The following CNIH3 variants were observed in gnomAD, a reference collection of about 807,000 sequenced individuals.
The protein encoded by CNIH3 is protein cornichon homolog 3.
A neutral mutation model predicts 24.1 loss-of-function variants in CNIH3; 14 were observed. That is an observed-to-expected ratio of 0.58 (90% CI 0.38 to 0.91). The LOEUF is 0.91. CNIH3 is among the 40% of genes least tolerant of loss of function. CNIH3 has a pLI of 0.00. For synonymous variants in CNIH3, 68 were observed against 73.8 expected (o/e 0.92, Z 0.40); for missense variants, 178 against 196.8 (o/e 0.90, Z 0.57).
chr1:224,479,051 G>C (rs1031926122), intron 1 of CNIH3, among the ~76,000 whole-genome samples: 1 of 151,128 alleles, frequency 6.6e-6, no homozygotes, highest in Admixed American at 6.6e-5. Flanking sequence ...TGGGGACACA[G>C]CCAAACTGTT....
chr1:224,681,177 C>G (rs1001828980), intron 2 of CNIH3, 151 bp downstream of exon 2: 17 of 683,904 alleles, frequency 2.5e-5, no homozygotes, highest in Non-Finnish European at 3.9e-5. Flanking sequence ...TGTGGAGGAG[C>G]CTTCTCATTC....
intron 2 of CNIH3, among the ~76,000 whole-genome samples, chr1:224,521,936 G>A (rs1158939813): frequency 6.6e-6 from 1 of 152,178 alleles, no homozygotes; most frequent in Non-Finnish European, 1.5e-5. Context: ...ACAAGTAATA[G>A]ACCCTAAAAT....
chr1:224,633,161 T>G (rs1434760520), intron 1 of CNIH3, among the ~76,000 whole-genome samples: 1 of 152,126 alleles, frequency 6.6e-6, no homozygotes, highest in Admixed American at 6.6e-5. Context: ...AGTTAAGATT[T>G]TTTTTTCTTT....
intron 3 of CNIH3, among the ~76,000 whole-genome samples, chr1:224,563,834 C>T (rs1680473696): frequency 6.6e-6 from 1 of 152,176 alleles, no homozygotes; most frequent in African/African-American, 2.4e-5. Context: ...TAAATTTGGG[C>T]TCTGTCTTCC....
intron 5 of CNIH3, among the ~76,000 whole-genome samples, chr1:224,586,077 G>C (rs1186247608): frequency 6.6e-6 from 1 of 152,186 alleles, no homozygotes; most frequent in Non-Finnish European, 1.5e-5. Flanking sequence ...CTGCAGAAAT[G>C]AATGGGACTG....
chr1:224,561,645 C>G (rs957875078), intron 3 of CNIH3, among the ~76,000 whole-genome samples: 6 of 152,186 alleles, frequency 3.9e-5, no homozygotes, highest in African/African-American at 1.4e-4. Context: ...GCAGTGTGGT[C>G]TGAGGATCTT....
intron 1 of CNIH3, among the ~76,000 whole-genome samples, chr1:224,451,678 G>T (rs1381691435): frequency 5.3e-5 from 8 of 152,132 alleles, no homozygotes; most frequent in Admixed American, 5.2e-4. Flanking sequence ...GGCAACTGAG[G>T]CCCAGAATGA....
At chr1:224,639,820 A>C (rs2125090170) in intron 1 of CNIH3, among the ~76,000 whole-genome samples, 1 of 152,284 alleles carries the variant, frequency 6.6e-6, no homozygotes. Flanking sequence ...GCTGACCCCA[A>C]GATTATAGAG....
chr1:224,595,498 T>C (rs1325162765), intron 3 of CNIH3, among the ~76,000 whole-genome samples: 1 of 152,244 alleles, frequency 6.6e-6, no homozygotes, highest in Non-Finnish European at 1.5e-5. Context: ...CCTTGGACCT[T>C]TCTTTTCCTT....
At chr1:224,688,917 A>G (rs1686795217) in intron 3 of CNIH3, among the ~76,000 whole-genome samples, 2 of 147,150 alleles carry the variant, frequency 1.4e-5, no homozygotes, top group South Asian at 2.2e-4. Context: ...AACAGCAAAG[A>G]TCTGTCTCAA....
At chr1:224,624,785 G>A (rs1402392171) in intron 1 of CNIH3, among the ~76,000 whole-genome samples, 1 of 152,220 alleles carries the variant, frequency 6.6e-6, no homozygotes, top group Non-Finnish European at 1.5e-5. Flanking sequence ...AAAGTTTAGA[G>A]GGCTGGGAGG....
chr1:224,450,317 G>C (rs935214457), intron 1 of CNIH3, among the ~76,000 whole-genome samples: 3 of 152,158 alleles, frequency 2.0e-5, no homozygotes, highest in Non-Finnish European at 2.9e-5. Context: ...TGTATCAGGT[G>C]GTGTGACGGT....
chr1:224,540,987 C>T (rs1679490759), downstream of CNIH3, among the ~76,000 whole-genome samples: 1 of 152,092 alleles, frequency 6.6e-6, no homozygotes, highest in African/African-American at 2.4e-5. Context: ...ATTATAAATG[C>T]AGGTGGGTAC....
chr1:224,517,707 T>C (rs1678452880), intron 1 of CNIH3, among the ~76,000 whole-genome samples: 1 of 149,452 alleles, frequency 6.7e-6, no homozygotes, highest in Non-Finnish European at 1.5e-5. Context: ...AACTCCCACC[T>C]GTGAGTGAGA....
At chr1:224,715,633 G>A (rs1190820545) in intron 3 of CNIH3, among the ~76,000 whole-genome samples, 1 of 152,218 alleles carries the variant, frequency 6.6e-6, no homozygotes, top group Admixed American at 6.5e-5. Context: ...GCCTCAGGCT[G>A]CTTCCACTCG....
At chr1:224,645,647 G>T (rs1453429995) in intron 1 of CNIH3, among the ~76,000 whole-genome samples, 2 of 152,230 alleles carry the variant, frequency 1.3e-5, no homozygotes, top group African/African-American at 4.8e-5. Flanking sequence ...CAGCCCGGAA[G>T]GCTGTGCTAT....
At chr1:224,598,928 T>A (rs1457549242) in intron 3 of CNIH3, among the ~76,000 whole-genome samples, 1 of 152,148 alleles carries the variant, frequency 6.6e-6, no homozygotes, top group Non-Finnish European at 1.5e-5. Context: ...ATCTCCTAGG[T>A]GTACCTGTAT....
chr1:224,434,937 A>G (rs1196870118), intron 1 of CNIH3: 2 of 985,420 alleles, frequency 2.0e-6, no homozygotes, highest in Non-Finnish European at 2.4e-6. Flanking sequence ...GAGGGAGGCC[A>G]GCGGGCCGGC....
At chr1:224,525,330 T>C (rs1217707714) in intron 2 of CNIH3, among the ~76,000 whole-genome samples, 1 of 152,236 alleles carries the variant, frequency 6.6e-6, no homozygotes, top group Non-Finnish European at 1.5e-5. Context: ...GTTGCAGGCA[T>C]TAACCCAGTG....
Sources: gnomAD v4.1 joint callset for allele counts (sites outside exome capture counted in the v4.1 genomes callset) on GRCh38, gnomAD v4.1.1 for gene constraint, MANE v1.5 for transcripts, NCBI Gene and HGNC (gene_info 2026-07-23, HGNC 2026-07-21) for gene names.